ST6GALNAC3: variants seen among roughly 807,000 people sequenced by gnomAD.
ST6GALNAC3 encodes the protein alpha-N-acetylgalactosaminide alpha-2,6-sialyltransferase 3.
In ST6GALNAC3, 25 loss-of-function variants were observed where a neutral mutation model predicts 32.7. That is an observed-to-expected ratio of 0.76 (90% CI 0.56 to 1.07). ST6GALNAC3 has a LOEUF of 1.07. Ranked by LOEUF, ST6GALNAC3 falls within the 50% of genes least tolerant of loss-of-function variation. ST6GALNAC3 has a pLI of 0.00. For missense variants in ST6GALNAC3, 355 were observed against 382.4 expected, an observed-to-expected ratio of 0.93 and a Z score of 0.60; for synonymous variants, 129 against 133.1, an observed-to-expected ratio of 0.97 and a Z score of 0.21.
intron 3 of ST6GALNAC3, among the ~76,000 whole-genome samples, chr1:76,539,144 G>A (rs1006930408): frequency 6.6e-6 from 1 of 152,124 alleles, no homozygotes; most frequent in Admixed American, 6.6e-5. Context: ...AACCAAAACA[G>A]CATGGTACTA....
intron 2 of ST6GALNAC3, among the ~76,000 whole-genome samples, chr1:76,368,016 G>T (rs1452247049): frequency 6.6e-6 from 1 of 152,086 alleles, no homozygotes; most frequent in African/African-American, 2.4e-5. Context: ...GCCCACTCCA[G>T]CACCTGCATA....
At chr1:76,462,235 TA>T (rs71676938) in intron 3 of ST6GALNAC3, among the ~76,000 whole-genome samples, 26,489 of 147,434 alleles carry the variant, frequency 0.18, 2,450 homozygotes, top group African/African-American at 0.23. Context: ...GAATTAATGG[TA>T]AAAAAAAAAA....
intron 3 of ST6GALNAC3, among the ~76,000 whole-genome samples, chr1:76,586,574 C>T (rs1646965445): frequency 6.6e-6 from 1 of 152,186 alleles, no homozygotes. Flanking sequence ...AAAGCACTGT[C>T]AAGTTAGCCC....
intron 2 of ST6GALNAC3, among the ~76,000 whole-genome samples, chr1:76,376,541 A>G (rs1651249974): frequency 6.6e-6 from 1 of 152,196 alleles, no homozygotes; most frequent in Non-Finnish European, 1.5e-5. Flanking sequence ...AGAACGTTGT[A>G]TAAATGGAAT....
intron 3 of ST6GALNAC3, among the ~76,000 whole-genome samples, chr1:76,521,026 G>T (rs1662498111): frequency 6.6e-6 from 1 of 151,640 alleles, no homozygotes; most frequent in Non-Finnish European, 1.5e-5. Flanking sequence ...CAGGTGATTT[G>T]TCATTCAATA....
intron 3 of ST6GALNAC3, among the ~76,000 whole-genome samples, chr1:76,435,211 A>G (rs1359018772): frequency 1.3e-5 from 2 of 152,158 alleles, no homozygotes; most frequent in East Asian, 1.9e-4. Context: ...CAAAAAGTAT[A>G]TTGGTTAGGA....
intron 3 of ST6GALNAC3, among the ~76,000 whole-genome samples, chr1:76,458,578 C>T (rs199632141): frequency 6.7e-6 from 1 of 149,006 alleles, no homozygotes; most frequent in Non-Finnish European, 1.5e-5. Context: ...AATTCATGTC[C>T]TTTGTAGGGA....
chr1:76,537,826 C>A (rs529462489), intron 3 of ST6GALNAC3, among the ~76,000 whole-genome samples: 1 of 152,026 alleles, frequency 6.6e-6, no homozygotes, highest in East Asian at 1.9e-4. Flanking sequence ...AGGAGGAAGT[C>A]AAATCTCTGA....
intron 3 of ST6GALNAC3, among the ~76,000 whole-genome samples, chr1:76,604,706 A>T (rs547345074): frequency 1.3e-5 from 2 of 152,216 alleles, no homozygotes; most frequent in Non-Finnish European, 2.9e-5. Flanking sequence ...CAGACATTTC[A>T]GATTTAACAC....
chr1:76,156,745 T>C (rs556829877), intron 1 of ST6GALNAC3, among the ~76,000 whole-genome samples: 2 of 152,342 alleles, frequency 1.3e-5, no homozygotes, highest in African/African-American at 2.4e-5. Context: ...CCTGGCCTTT[T>C]TTTTGAGACG....
chr1:76,111,583 C>G (rs374182424), intron 1 of ST6GALNAC3, among the ~76,000 whole-genome samples: 1 of 149,534 alleles, frequency 6.7e-6, no homozygotes, highest in African/African-American at 2.5e-5. Flanking sequence ...GAGGACCCTG[C>G]GGCCTTCCGC....
chr1:76,543,120 G>A (rs11800951), intron 3 of ST6GALNAC3, among the ~76,000 whole-genome samples: 6,284 of 152,262 alleles, frequency 0.041, 302 homozygotes, highest in African/African-American at 0.11. Context: ...TTACAACACA[G>A]ATAGCAAATA....
chr1:76,251,609 A>C (rs1557728072), intron 1 of ST6GALNAC3, among the ~76,000 whole-genome samples: 1 of 152,116 alleles, frequency 6.6e-6, no homozygotes, highest in Non-Finnish European at 1.5e-5. Context: ...TCATTCTATA[A>C]GTTCCCCAAT....
intron 1 of ST6GALNAC3, among the ~76,000 whole-genome samples, chr1:76,118,544 G>C (rs1230719285): frequency 1.3e-5 from 2 of 152,060 alleles, no homozygotes; most frequent in Non-Finnish European, 2.9e-5. Context: ...GGAGCTTAGG[G>C]GTCTGTCTCC....
intron 3 of ST6GALNAC3, among the ~76,000 whole-genome samples, chr1:76,461,122 G>A (rs1225859986): frequency 1.3e-5 from 2 of 152,128 alleles, no homozygotes; most frequent in Non-Finnish European, 2.9e-5. Flanking sequence ...GTGCAGATTG[G>A]TCATTGTTTT....
intron 3 of ST6GALNAC3, among the ~76,000 whole-genome samples, chr1:76,519,813 G>C (rs771330317): frequency 6.6e-6 from 1 of 151,318 alleles, no homozygotes; most frequent in Non-Finnish European, 1.5e-5. Flanking sequence ...CAAGGATTCT[G>C]CCCATTAATT....
At chr1:76,510,216 C>T (rs1315689095) in intron 3 of ST6GALNAC3, among the ~76,000 whole-genome samples, 1 of 152,054 alleles carries the variant, frequency 6.6e-6, no homozygotes, top group Non-Finnish European at 1.5e-5. Flanking sequence ...ATGATTTAAC[C>T]CACAGCATAC....
intron 1 of ST6GALNAC3, among the ~76,000 whole-genome samples, chr1:76,249,925 T>C (rs1485294400): frequency 2.6e-5 from 4 of 152,238 alleles, no homozygotes; most frequent in Admixed American, 2.6e-4. Context: ...CATATTCACA[T>C]TCTTTGTTCA....
chr1:76,193,440 G>A (rs536942951), intron 1 of ST6GALNAC3, among the ~76,000 whole-genome samples: 7 of 152,024 alleles, frequency 4.6e-5, no homozygotes, highest in Non-Finnish European at 7.4e-5. Context: ...TTCTCTTAGC[G>A]TCCTTGATTT....
Sources: allele counts gnomAD v4.1 joint callset (sites outside exome capture counted in the v4.1 genomes callset), GRCh38; gene constraint gnomAD v4.1.1; transcripts MANE v1.5; gene names NCBI Gene and HGNC (gene_info 2026-07-23, HGNC 2026-07-21).